FBXL17: variants seen among roughly 807,000 people sequenced by gnomAD.
FBXL17 encodes the protein F-box/LRR-repeat protein 17.
Under a neutral mutation model 66.2 loss-of-function variants are expected in FBXL17, and 22 were observed. The ratio of observed to expected loss-of-function variants is 0.33; its 90% CI spans 0.24 to 0.47. FBXL17 has a LOEUF of 0.47. Among genes scored for constraint, FBXL17 ranks in the 20% least tolerant of loss-of-function variants. The probability of loss-of-function intolerance (pLI) is 1.00; values close to 1 mark genes in which losing one functional copy is unlikely to be tolerated. For missense variants in FBXL17, 878 were observed against 948.2 expected, an observed-to-expected ratio of 0.93 and a Z score of 0.97; for synonymous variants, 474 against 400.5, an observed-to-expected ratio of 1.18 and a Z score of -2.19.
intron 6 of FBXL17, among the ~76,000 whole-genome samples, chr5:108,037,961 A>G (rs1320718105): frequency 6.6e-6 from 1 of 152,228 alleles, no homozygotes; most frequent in Non-Finnish European, 1.5e-5. Context: ...ATCAATTTAC[A>G]AGAAATGTAA....
intron 7 of FBXL17, among the ~76,000 whole-genome samples, chr5:107,942,911 A>C (rs1751159749): frequency 6.6e-6 from 1 of 152,156 alleles, no homozygotes; most frequent in Admixed American, 6.5e-5. Flanking sequence ...GACTGCTCTG[A>C]CAAAAGTCAC....
intron 7 of FBXL17, among the ~76,000 whole-genome samples, chr5:107,914,067 T>A (rs930015799): frequency 6.7e-6 from 1 of 150,108 alleles, no homozygotes; most frequent in African/African-American, 2.5e-5. Context: ...TCTATAGGAA[T>A]ACTTCATTAT....
intron 3 of FBXL17, among the ~76,000 whole-genome samples, chr5:108,350,827 T>C (rs1030717264): frequency 6.6e-6 from 1 of 152,170 alleles, no homozygotes; most frequent in Non-Finnish European, 1.5e-5. Context: ...ATCAGGAAGG[T>C]ACTGGAATCT....
intron 7 of FBXL17, among the ~76,000 whole-genome samples, chr5:107,907,824 G>A (rs1749815431): frequency 6.6e-6 from 1 of 152,074 alleles, no homozygotes; most frequent in African/African-American, 2.4e-5. Context: ...TGGAGAAATA[G>A]GAACACTTTT....
intron 8 of FBXL17, chr5:107,879,093 C>T (rs1748700363): frequency 1.0e-6 from 1 of 985,434 alleles, no homozygotes; most frequent in Non-Finnish European, 1.2e-6. Context: ...TGCTGGTCAG[C>T]AAATATGTCT....
intron 6 of FBXL17, among the ~76,000 whole-genome samples, chr5:108,158,136 T>G (rs1752065872): frequency 1.3e-5 from 2 of 152,094 alleles, no homozygotes; most frequent in Non-Finnish European, 2.9e-5. Context: ...ACTTTCAAAT[T>G]CAAGAGACTC....
intron 4 of FBXL17, among the ~76,000 whole-genome samples, chr5:108,282,788 C>A (rs1388655769): frequency 6.6e-6 from 1 of 151,156 alleles, no homozygotes; most frequent in Non-Finnish European, 1.5e-5. Context: ...AAAACTCTTA[C>A]ATAACTAAAT....
At chr5:108,168,853 A>G (rs1197828587) in intron 6 of FBXL17, among the ~76,000 whole-genome samples, 1 of 152,220 alleles carries the variant, frequency 6.6e-6, no homozygotes. Flanking sequence ...TACAACTAAG[A>G]GTGGCAAGTT....
chr5:108,203,555 T>G (rs1351010973), intron 5 of FBXL17, among the ~76,000 whole-genome samples: 1 of 152,144 alleles, frequency 6.6e-6, no homozygotes, highest in Admixed American at 6.6e-5. Context: ...AATACAGTAC[T>G]CACTAGGTCA....
At chr5:108,084,152 C>T (rs917348992) in intron 6 of FBXL17, among the ~76,000 whole-genome samples, 5 of 152,150 alleles carry the variant, frequency 3.3e-5, no homozygotes, top group African/African-American at 7.2e-5. Flanking sequence ...GTGTTTGAAA[C>T]GCTAGAGTGC....
intron 1 of FBXL17, among the ~76,000 whole-genome samples, chr5:108,377,896 A>G (rs1357911204): frequency 6.6e-6 from 1 of 152,242 alleles, no homozygotes; most frequent in African/African-American, 2.4e-5. Context: ...GGTCACTGCA[A>G]CCAAGTAGCA....
chr5:108,295,013 C>T (rs1295116924), intron 4 of FBXL17, among the ~76,000 whole-genome samples: 1 of 151,846 alleles, frequency 6.6e-6, no homozygotes, highest in African/African-American at 2.4e-5. Context: ...TATTTATATT[C>T]CTAAAAAAGA....
chr5:108,290,405 A>G (rs1758063964), intron 4 of FBXL17, among the ~76,000 whole-genome samples: 1 of 152,150 alleles, frequency 6.6e-6, no homozygotes, highest in Admixed American at 6.6e-5. Flanking sequence ...TGATCACACT[A>G]TTTTAATTTA....
intron 7 of FBXL17, among the ~76,000 whole-genome samples, chr5:107,895,587 T>A (rs1437388021): frequency 6.6e-6 from 1 of 152,214 alleles, no homozygotes; most frequent in Non-Finnish European, 1.5e-5. Flanking sequence ...GCATCACTCC[T>A]GTTCTGTTGG....
chr5:107,877,550 A>C (rs1748650767), intron 8 of FBXL17, among the ~76,000 whole-genome samples: 1 of 152,198 alleles, frequency 6.6e-6, no homozygotes, highest in East Asian at 1.9e-4. Flanking sequence ...AGTGGCCCTC[A>C]ATAAAACTGA....
At chr5:107,998,747 T>C (rs1753586527) in intron 7 of FBXL17, among the ~76,000 whole-genome samples, 1 of 152,122 alleles carries the variant, frequency 6.6e-6, no homozygotes, top group Non-Finnish European at 1.5e-5. Context: ...GTTGATTTCT[T>C]CATGAAGCTC....
intron 4 of FBXL17, among the ~76,000 whole-genome samples, chr5:108,276,968 G>A (rs1428170099): frequency 6.6e-6 from 1 of 151,440 alleles, no homozygotes; most frequent in African/African-American, 2.4e-5. Context: ...TCTATATTTA[G>A]ATTGTACTTC....
At chr5:108,341,958 C>CAAA (rs1746909090) in intron 4 of FBXL17, among the ~76,000 whole-genome samples, 1 of 152,142 alleles carries the variant, frequency 6.6e-6, no homozygotes, top group Non-Finnish European at 1.5e-5. Flanking sequence ...CCTTTCTTAT[C>CAAA]CCTCACATAA....
chr5:108,025,715 A>ACGCG (rs1308504199), intron 6 of FBXL17, among the ~76,000 whole-genome samples: 19 of 119,522 alleles, frequency 1.6e-4, no homozygotes, highest in African/African-American at 7.3e-4. Context: ...ACACACACAC[A>ACGCG]CACGCGCGCG....
Sources: allele counts gnomAD v4.1 joint callset (sites outside exome capture counted in the v4.1 genomes callset), GRCh38; gene constraint gnomAD v4.1.1; transcripts MANE v1.5; gene names NCBI Gene and HGNC (gene_info 2026-07-23, HGNC 2026-07-21).